Variants in LRRK2 observed in about 807,000 individuals in gnomAD.
LRRK2 encodes the protein leucine-rich repeat serine/threonine-protein kinase 2.
In LRRK2, 203 loss-of-function variants were observed where a neutral mutation model predicts 302.6. The ratio of observed to expected loss-of-function variants is 0.67; its 90% CI spans 0.60 to 0.75. LRRK2 has a LOEUF of 0.75. LRRK2 is among the 30% of genes least tolerant of loss of function. LRRK2 has a pLI of 0.00. For synonymous variants in LRRK2, 1,066 were observed against 1,031.9 expected, an observed-to-expected ratio of 1.03 and a Z score of -0.63; for missense variants, 2,830 against 2,951.0, an observed-to-expected ratio of 0.96 and a Z score of 0.95.
At chr12:40,289,850 TC>T (rs1228786283) in intron 20 of LRRK2, among the ~76,000 whole-genome samples, 16 of 151,930 alleles carry the variant, frequency 1.1e-4, no homozygotes, top group African/African-American at 3.9e-4. Flanking sequence ...TACAGGATTT[TC>T]TTTGTTCACA....
intron 20 of LRRK2, 92 bp downstream of exon 20, chr12:40,287,631 C>A: frequency 1.6e-6 from 2 of 1,275,808 alleles, no homozygotes; most frequent in Non-Finnish European, 2.2e-6. Context: ...CCTAAATCAT[C>A]TGGAAAAACT....
intron 2 of LRRK2, among the ~76,000 whole-genome samples, chr12:40,229,906 C>A (rs1231407304): frequency 6.8e-6 from 1 of 146,050 alleles, no homozygotes; most frequent in African/African-American, 2.5e-5. Context: ...CAGGTTTTTT[C>A]CTTGAGTCAG....
At position 40,265,846 on chromosome 12, in the gene LRRK2, C is replaced by T. The variant is rs1029029878; in HGVS notation, c.1656+1945C>T. 1.1e-4 allele frequency among the ~76,000 whole-genome samples: 16 copies of T among 152,136 alleles called. 1 individual carries two copies. Among genetic ancestry groups the T allele is most frequent in the African/African-American group, 3.6e-4 (15 of 41,494 alleles). Reference sequence around the variant, plus strand: ...AGAACAGAGCCCTCAGAAATAATGCCGCATATCTACAACCATCTGATCTTT... The same window carrying T: ...AGAACAGAGCCCTCAGAAATAATGCTGCATATCTACAACCATCTGATCTTT... On this transcript the variant is annotated intron_variant, in intron 14 of 50. Coordinates refer to ENST00000298910, the MANE Select transcript of LRRK2 (RefSeq NM_198578.4).
At chr12:40,262,268 T>C (rs1942805384) in intron 13 of LRRK2, among the ~76,000 whole-genome samples, 1 of 152,124 alleles carries the variant, frequency 6.6e-6, no homozygotes, top group Non-Finnish European at 1.5e-5. Flanking sequence ...TTAGGCATTG[T>C]TTGAAGTATT....
intron 7 of LRRK2, among the ~76,000 whole-genome samples, chr12:40,246,887 CT>C (rs1457147847): frequency 6.6e-6 from 1 of 152,096 alleles, no homozygotes; most frequent in Non-Finnish European, 1.5e-5. Context: ...CCCTCTGCCC[CT>C]CAACACACAC....
chr12:40,323,096 A>T, intron 37 of LRRK2, 64 bp from the exon 38 acceptor site: 1 of 1,444,122 alleles, frequency 6.9e-7, no homozygotes, highest in Non-Finnish European at 9.7e-7. Context: ...TCACATCAAA[A>T]CCACAAATTT....
intron 35 of LRRK2, 119 bp from the exon 36 acceptor site, chr12:40,321,916 C>T: frequency 1.0e-6 from 1 of 979,536 alleles, no homozygotes; most frequent in Non-Finnish European, 1.6e-6. Context: ...ATATCAGTAA[C>T]AACCCAATAC....
chr12:40,364,655 TCA>T (rs1457976679), intron 48 of LRRK2, among the ~76,000 whole-genome samples, 185 bp from the exon 49 acceptor site: 15 of 151,984 alleles, frequency 9.9e-5, no homozygotes, highest in African/African-American at 3.6e-4. Context: ...AATTTATGCT[TCA>T]AGTAAAGAAG....
chr12:40,287,102 A>G (rs569926410), intron 19 of LRRK2, among the ~76,000 whole-genome samples: 1 of 152,082 alleles, frequency 6.6e-6, no homozygotes, highest in Non-Finnish European at 1.5e-5. Context: ...TTTCCTGAAT[A>G]AAGTTAGTTC....
intron 10 of LRRK2, among the ~76,000 whole-genome samples, chr12:40,252,121 A>G (rs2136482088): frequency 6.6e-6 from 1 of 152,302 alleles, no homozygotes. Flanking sequence ...TTTTGTGCAT[A>G]TCAGGTTTGT....
intron 13 of LRRK2, among the ~76,000 whole-genome samples, chr12:40,262,541 C>T (rs990602166): frequency 4.6e-5 from 7 of 151,890 alleles, no homozygotes; most frequent in East Asian, 1.9e-4. Context: ...CTTAAGGTAT[C>T]GGGAGATGAT....
chr12:40,334,930 T>C lies in LRRK2; in HGVS notation c.5758-37T>C, dbSNP rs766258678. 23 of 1,610,082 alleles carry C rather than the reference T, an allele frequency of 1.4e-5. 2 individuals carry two copies. The South Asian group carries it at 2.5e-4, about 18-fold the overall frequency. On this transcript the variant is annotated intron_variant, in intron 39 of 50. Coordinates refer to ENST00000298910, the MANE Select transcript of LRRK2 (RefSeq NM_198578.4). ...AAGGAGATACGTGGGTAAAACCTGA[T>C]GTTGAATTACTCTTACATGATTTTG... is the stretch of plus-strand genomic sequence containing the variant.
chr12:40,257,042 G>T (rs951583781), intron 11 of LRRK2, among the ~76,000 whole-genome samples: 1 of 151,990 alleles, frequency 6.6e-6, no homozygotes, highest in Non-Finnish European at 1.5e-5. Flanking sequence ...CCAACAAAGG[G>T]TTAATAAAGG....
At chr12:40,241,578 T>C (rs1288272887) in intron 6 of LRRK2, among the ~76,000 whole-genome samples, 3 of 152,220 alleles carry the variant, frequency 2.0e-5, no homozygotes, top group Admixed American at 1.3e-4. Context: ...ATTTATCTAG[T>C]GATATTTTCA....
Position 40,305,806 on chromosome 12 carries a change from C to G in LRRK2, c.3799C>G (p.Leu1267Val), listed in dbSNP as rs756845437. ...TAAGATTCCTCCTGAGATTGGCTGT[C>G]TTGAAAATCTGACATCTCTGGATGT... is the stretch of plus-strand genomic sequence containing the variant. The part of the protein sequence containing the change: ...LKEIPPEIGC[L>V]ENLTSLDVSY... Residue 1267 changes from leucine (L) to valine (V), a missense_variant, in exon 28 of 51, where the codon CTT (leucine) becomes GTT (valine). Around this residue, in one of 3 missense-constraint regions of LRRK2, gnomAD observed 2,121 missense variants for 2,148.0 expected, o/e 0.99. Coordinates refer to ENST00000298910, the MANE Select transcript of LRRK2 (RefSeq NM_198578.4). 1.1e-5 allele frequency: 17 copies of G among 1,613,382 alleles called. No homozygotes were observed. The highest frequency in any genetic ancestry group is 1.4e-5 in the Non-Finnish European group (17 of 1,179,712).
intron 16 of LRRK2, among the ~76,000 whole-genome samples, chr12:40,277,292 A>G (rs1415879914): frequency 6.6e-6 from 1 of 152,312 alleles, no homozygotes; most frequent in East Asian, 1.9e-4. Context: ...AGGTGGTTCT[A>G]AAAAAGTAAC....
At chr12:40,236,264 C>T (rs914049812) in intron 4 of LRRK2, among the ~76,000 whole-genome samples, 1 of 152,136 alleles carries the variant, frequency 6.6e-6, no homozygotes, top group South Asian at 2.1e-4. Context: ...AAATGCTTCA[C>T]GTGCTTTTAA....
chr12:40,238,386 G>C (rs1675836645), intron 5 of LRRK2, among the ~76,000 whole-genome samples: 1 of 152,114 alleles, frequency 6.6e-6, no homozygotes, highest in Admixed American at 6.6e-5. Flanking sequence ...ATGTGTGGGT[G>C]CTATGAAAGA....
intron 48 of LRRK2, among the ~76,000 whole-genome samples, chr12:40,363,982 G>A (rs574232415): frequency 3.9e-5 from 6 of 152,002 alleles, no homozygotes; most frequent in East Asian, 1.9e-4. Context: ...TGACCGAGGC[G>A]CTAAGGAGTG....
Sources: allele counts gnomAD v4.1 joint callset (sites outside exome capture counted in the v4.1 genomes callset), GRCh38; gene constraint gnomAD v4.1.1; regional missense constraint gnomAD v4.1.1; transcripts MANE v1.5; gene names NCBI Gene and HGNC (gene_info 2026-07-23, HGNC 2026-07-21).